The following SMARCC1 variants were observed in gnomAD, a reference collection of about 807,000 sequenced individuals.
SMARCC1 encodes SWI/SNF related BAF chromatin remodeling complex subunit C1.
Under a neutral mutation model 147.4 loss-of-function variants are expected in SMARCC1, and 43 were observed. The observed-to-expected ratio is 0.29, with a 90% CI of 0.23 to 0.38. The LOEUF (loss-of-function observed/expected upper bound fraction) is 0.38, where lower values mean the gene tolerates loss of function less well. Ranked by LOEUF, SMARCC1 falls within the 10% of genes least tolerant of loss-of-function variation. SMARCC1 has a pLI of 1.00. For missense variants in SMARCC1, 1,119 were observed against 1,381.1 expected (o/e 0.81, Z 3.01); for synonymous variants, 495 against 484.4 (o/e 1.02, Z -0.29).
At chr3:47,728,207 C>A (rs893754880) in intron 6 of SMARCC1, among the ~76,000 whole-genome samples, 1 of 149,074 alleles carries the variant, frequency 6.7e-6, no homozygotes, top group South Asian at 2.2e-4. Context: ...CTGCCTCAGC[C>A]TCCCAAGTAG....
At chr3:47,724,622 G>A (rs776973412) in intron 6 of SMARCC1, among the ~76,000 whole-genome samples, 8 of 152,216 alleles carry the variant, frequency 5.3e-5, no homozygotes, top group Non-Finnish European at 1.0e-4. Flanking sequence ...TGTATTTTAT[G>A]TGTGGCCCAA....
intron 2 of SMARCC1, among the ~76,000 whole-genome samples, chr3:47,768,619 A>G (rs547568831): frequency 6.6e-6 from 1 of 152,314 alleles, no homozygotes; most frequent in East Asian, 1.9e-4. Context: ...AATATGTACT[A>G]TATTATAGTG....
chr3:47,667,175 G>A (rs551032222), intron 19 of SMARCC1, among the ~76,000 whole-genome samples: 34 of 152,066 alleles, frequency 2.2e-4, no homozygotes, highest in Non-Finnish European at 3.7e-4. Flanking sequence ...AAAATTAGCC[G>A]GGCATGGTGG....
chr3:47,674,880 A>G (rs563977157), intron 18 of SMARCC1, among the ~76,000 whole-genome samples: 8 of 151,908 alleles, frequency 5.3e-5, no homozygotes, highest in Non-Finnish European at 8.8e-5. Context: ...AATTCTTTGG[A>G]CTGTATCATT....
chr3:47,671,188 A>AC (rs1559640678), intron 18 of SMARCC1, among the ~76,000 whole-genome samples: 1 of 146,602 alleles, frequency 6.8e-6, no homozygotes. Flanking sequence ...AAAAAAAAAA[A>AC]AAAAAAAAAA....
At chr3:47,701,473 T>C in intron 10 of SMARCC1, 71 bp from the exon 11 acceptor site, 1 of 1,337,534 alleles carries the variant, frequency 7.5e-7, no homozygotes. Context: ...GTTTCTGAGG[T>C]TGTACACCTT....
intron 26 of SMARCC1, chr3:47,604,515 T>C (rs1248700359): frequency 5.8e-6 from 2 of 345,202 alleles, no homozygotes; most frequent in East Asian, 1.5e-4. Flanking sequence ...GTTCTTACCT[T>C]ACCCTGTGGC....
At position 47,588,196 on chromosome 3, in the gene SMARCC1, T is replaced by G; in HGVS notation, c.*13A>C. On this transcript the variant is annotated 3_prime_UTR_variant, in exon 28 of 28. Transcript: ENST00000254480. ...CATGGTGGTGGGCGTGGAGGTTCCC[T>G]GCATCTTCCAGGCTAAGGAGCAGCT... The G allele has an allele frequency of 6.2e-7, 1 of 1,605,088 alleles. No individual in the cohort carries two copies. Among genetic ancestry groups the G allele is most frequent in the Non-Finnish European group, 8.5e-7 (1 of 1,172,748 alleles).
In SMARCC1 at chr3:47,622,254, G is replaced by A. The variant is rs1559627637; in HGVS notation, c.2734C>T (p.Arg912Ter). 1 of 1,603,580 alleles carries A rather than the reference G, an allele frequency of 6.2e-7. No individual in the cohort carries two copies. The highest frequency in any genetic ancestry group is 8.5e-7 in the Non-Finnish European group (1 of 1,177,464). ...ATAGTTTCCAGCTCTTCAAAATGTC[G>A]AAGTTTGATCTCTAGTTTCTTCATT... is the stretch of plus-strand genomic sequence containing the variant. ...TQMKKLEIKL[R>*]HFEELETIMD... Residue 912 changes from arginine to a stop codon, truncating the protein, a stop_gained, in exon 25 of 28, where the codon CGA becomes TGA. Transcript: ENST00000254480. LOFTEE classifies it high-confidence loss of function.
intron 25 of SMARCC1, among the ~76,000 whole-genome samples, chr3:47,620,745 T>G (rs2032719277): frequency 6.6e-6 from 1 of 151,996 alleles, no homozygotes; most frequent in Non-Finnish European, 1.5e-5. Flanking sequence ...GGAAGAGAAG[T>G]GTGAGAAAGC....
At chr3:47,679,328 G>A (rs1370093566) in intron 15 of SMARCC1, among the ~76,000 whole-genome samples, 1 of 151,972 alleles carries the variant, frequency 6.6e-6, no homozygotes, top group Non-Finnish European at 1.5e-5. Flanking sequence ...AGTATATACT[G>A]ATGAATCACC....
Position 47,671,196 on chromosome 3 carries a change from A to AAAAAAAAAAAAAAAAAAAAAAAAAC in SMARCC1, c.1840-480_1840-479insGTTTTTTTTTTTTTTTTTTTTTTTT, listed in dbSNP as rs753672169. ...CTCAAAAAAAAAAAAAAAAAAAAAA[A>AAAAAAAAAAAAAAAAAAAAAAAAAC]AACACACACAAAAACCAAAACCAAA... is the stretch of plus-strand genomic sequence containing the variant. On this transcript the variant is annotated intron_variant, in intron 18 of 27. Transcript: ENST00000254480. Among the ~76,000 whole-genome samples the AAAAAAAAAAAAAAAAAAAAAAAAAC allele has an allele frequency of 6.7e-4, 54 of 81,196 alleles. 7 individuals carry two copies. Among genetic ancestry groups the AAAAAAAAAAAAAAAAAAAAAAAAAC allele is most frequent in the South Asian group, 9.9e-4 (2 of 2,016 alleles). The allele number at this position is 81,196 out of a possible 152,430, so 53.3% of individuals were successfully genotyped here. A position where few individuals can be genotyped will look rare whatever the true frequency, so the allele number is the denominator to read the frequency against.
chr3:47,626,153 C>CT (rs1203421886), intron 24 of SMARCC1, among the ~76,000 whole-genome samples: 77 of 145,334 alleles, frequency 5.3e-4, no homozygotes, highest in Non-Finnish European at 6.7e-4. Context: ...AGGCCCCGTC[C>CT]TTTTTTTTTT....
chr3:47,761,002 G>A (rs2034766707), intron 2 of SMARCC1, among the ~76,000 whole-genome samples: 1 of 151,944 alleles, frequency 6.6e-6, no homozygotes, highest in South Asian at 2.1e-4. Flanking sequence ...GTGTAGTGGT[G>A]CACACCTGTA....
intron 27 of SMARCC1, among the ~76,000 whole-genome samples, chr3:47,588,713 C>T (rs1335681562): frequency 2.5e-5 from 3 of 120,450 alleles, no homozygotes; most frequent in Admixed American, 9.4e-5. Context: ...GCCCCCCCCC[C>T]GCCCCCACAG....
intron 9 of SMARCC1, among the ~76,000 whole-genome samples, chr3:47,708,091 T>TTTTTTTC (rs2034035299): frequency 5.4e-3 from 37 of 6,848 alleles, no homozygotes; most frequent in Admixed American, 0.025. Flanking sequence ...TTCTTTTTTT[T>TTTTTTTC]TTTTTTTTTT....
chr3:47,625,235 G>A (rs1228841055), intron 24 of SMARCC1, among the ~76,000 whole-genome samples: 2 of 151,430 alleles, frequency 1.3e-5, no homozygotes, highest in Admixed American at 1.3e-4. Context: ...CGAGGTGGGT[G>A]GATCACTTGA....
At chr3:47,741,119 T>C (rs572486517) in intron 3 of SMARCC1, among the ~76,000 whole-genome samples, 1 of 152,102 alleles carries the variant, frequency 6.6e-6, no homozygotes, top group East Asian at 1.9e-4. Context: ...TGTTAAATGA[T>C]AAACTGGAGG....
At chr3:47,705,580 T>C (rs1252658109) in intron 10 of SMARCC1, among the ~76,000 whole-genome samples, 9 of 152,172 alleles carry the variant, frequency 5.9e-5, no homozygotes, top group Admixed American at 5.9e-4. Context: ...TCAAGGCATG[T>C]TCTGGGAACA....
Sources: allele counts gnomAD v4.1 joint callset (sites outside exome capture counted in the v4.1 genomes callset), GRCh38; gene constraint gnomAD v4.1.1; transcripts MANE v1.5; gene names NCBI Gene and HGNC (gene_info 2026-07-23, HGNC 2026-07-21).